Variants in TMX2 observed in about 807,000 individuals in gnomAD.
The protein encoded by TMX2 is thioredoxin related transmembrane protein 2.
TMX2 carries 20 observed loss-of-function variants against 33.4 expected under a neutral mutation model. The observed-to-expected ratio is 0.60, with a 90% CI of 0.42 to 0.87. The LOEUF (loss-of-function observed/expected upper bound fraction) is 0.87, where lower values mean the gene tolerates loss of function less well. TMX2 is among the 40% of genes least tolerant of loss of function. The pLI, the probability that TMX2 is intolerant of heterozygous loss-of-function variation, is 0.00. For missense variants in TMX2, 340 were observed against 370.7 expected (o/e 0.92, Z 0.68); for synonymous variants, 166 against 140.7 (o/e 1.18, Z -1.27).
At chr11:57,736,171 C>G (rs1590969947) in intron 1 of TMX2, among the ~76,000 whole-genome samples, 1 of 152,096 alleles carries the variant, frequency 6.6e-6, no homozygotes, top group South Asian at 2.1e-4. Flanking sequence ...GCTTAGAATT[C>G]TATTACTTCT....
intron 7 of TMX2, 79 bp downstream of exon 7, chr11:57,739,339 C>A: frequency 6.7e-7 from 1 of 1,493,654 alleles, no homozygotes; most frequent in Non-Finnish European, 9.3e-7. Flanking sequence ...GTTTGATTCA[C>A]AGCTCTGCCA....
chr11:57,737,814 C>G lies in TMX2; in HGVS notation c.251-99C>G, dbSNP rs556296826. 3.7e-6 allele frequency: 6 copies of G among 1,609,860 alleles called. No individual in the cohort carries two copies. The East Asian group carries it at 1.1e-4, about 30-fold the overall frequency. On this transcript the variant is annotated intron_variant, in intron 2 of 7. Transcript: ENST00000278422. ...GAATTTGAACTTGGACTTCTATCCC[C>G]TCCCTGTCTCCTATTTCAAAGTGCC...
At chr11:57,720,792 G>T (rs1028442697) in intron 1 of TMX2, among the ~76,000 whole-genome samples, 1 of 152,156 alleles carries the variant, frequency 6.6e-6, no homozygotes, top group South Asian at 2.1e-4. Flanking sequence ...TCGAACCCAC[G>T]CTGCAGCAGC....
At chr11:57,731,110 CGTTTTTT>C (rs1425126676) in intron 1 of TMX2, among the ~76,000 whole-genome samples, 141 of 137,768 alleles carry the variant, frequency 1.0e-3, no homozygotes, top group African/African-American at 2.9e-3. Flanking sequence ...CCACTCTTTC[CGTTTTTT>C]GTTTTTTGTT....
intron 1 of TMX2, among the ~76,000 whole-genome samples, chr11:57,713,928 A>G (rs1227255939): frequency 6.6e-6 from 1 of 152,190 alleles, no homozygotes; most frequent in Non-Finnish European, 1.5e-5. Flanking sequence ...TCTTGTACTG[A>G]AGTAAGTTAA....
intron 7 of TMX2, among the ~76,000 whole-genome samples, chr11:57,739,765 A>AG (rs1195868877): frequency 2.6e-5 from 4 of 152,088 alleles, no homozygotes; most frequent in Non-Finnish European, 4.4e-5. Context: ...AAAAAAAAAA[A>AG]AAGATTCTGT....
chr11:57,716,260 G>C (rs1360357984), intron 1 of TMX2, among the ~76,000 whole-genome samples: 1 of 148,104 alleles, frequency 6.8e-6, no homozygotes, highest in Admixed American at 6.6e-5. Flanking sequence ...CGGGCGGGGG[G>C]CTGACCCCCC....
At chr11:57,727,032 T>C (rs574941802) in intron 1 of TMX2, among the ~76,000 whole-genome samples, 1 of 152,334 alleles carries the variant, frequency 6.6e-6, no homozygotes, top group Admixed American at 6.5e-5. Flanking sequence ...AAATCTTCAC[T>C]GTCTTTATGA....
At chr11:57,727,019 C>G (rs1030887244) in intron 1 of TMX2, among the ~76,000 whole-genome samples, 1 of 152,096 alleles carries the variant, frequency 6.6e-6, no homozygotes, top group Non-Finnish European at 1.5e-5. Context: ...ACCCTGAGTG[C>G]CCAAATCTTC....
At chr11:57,732,873 G>T (rs961297815) in intron 1 of TMX2, among the ~76,000 whole-genome samples, 1 of 152,162 alleles carries the variant, frequency 6.6e-6, no homozygotes, top group African/African-American at 2.4e-5. Context: ...ATCATGCGGT[G>T]TCCTTAGGCC....
At chr11:57,728,733 CAT>C (rs538061479) in intron 1 of TMX2, among the ~76,000 whole-genome samples, 306 of 152,192 alleles carry the variant, frequency 2.0e-3, no homozygotes, top group African/African-American at 6.6e-3. Context: ...CTGTTGCTTT[CAT>C]AGAGACTGAG....
chr11:57,719,514 CTTTTTTTTTTT>C (rs1183104624), intron 1 of TMX2, among the ~76,000 whole-genome samples: 37 of 70,514 alleles, frequency 5.2e-4, no homozygotes, highest in African/African-American at 1.7e-3. Context: ...TTTTCTTTGT[CTTTTTTTTTTT>C]TTTTTTTTTT....
intron 1 of TMX2, chr11:57,718,368 T>TAAACCC (rs1947318392): frequency 6.7e-7 from 1 of 1,498,654 alleles, no homozygotes; most frequent in East Asian, 2.3e-5. Flanking sequence ...CCTGGAATAA[T>TAAACCC]TCTGTGAAAG....
In TMX2 at chr11:57,740,269, C is replaced by G; in HGVS notation, c.*24C>G. On this transcript the variant is annotated 3_prime_UTR_variant, in exon 8 of 8. Coordinates refer to ENST00000278422, the MANE Select transcript of TMX2 (RefSeq NM_015959.4). ...AAGATCCTCACTTTGGCAGTGCTTCCTCTCCTGTCAATTCCAGGCTCTTTC... is the reference window on the plus strand; with the variant it reads ...AAGATCCTCACTTTGGCAGTGCTTCGTCTCCTGTCAATTCCAGGCTCTTTC... 6.4e-7 allele frequency: 1 copy of G among 1,558,416 alleles called. No individual in the cohort carries two copies. The highest frequency in any genetic ancestry group is 8.7e-7 in the Non-Finnish European group (1 of 1,155,718).
intron 1 of TMX2, 74 bp downstream of exon 1, chr11:57,712,881 G>C: frequency 6.4e-7 from 1 of 1,550,920 alleles, no homozygotes; most frequent in Non-Finnish European, 8.8e-7. Context: ...GGAACCCTGG[G>C]GTTTACCTCT....
intron 1 of TMX2, among the ~76,000 whole-genome samples, chr11:57,717,746 G>GGGAGA (rs1947266999): frequency 1.2e-5 from 1 of 84,740 alleles, no homozygotes; most frequent in East Asian, 9.0e-4. Context: ...AGAGGGGAGA[G>GGGAGA]GGGAGAGGGA....
chr11:57,726,840 T>C (rs1218959211), intron 1 of TMX2, among the ~76,000 whole-genome samples: 1 of 152,236 alleles, frequency 6.6e-6, no homozygotes, highest in East Asian at 1.9e-4. Flanking sequence ...ATTTATTACA[T>C]TCTAATTTAA....
At chr11:57,740,077 C>T (rs368230749) in intron 7 of TMX2, 22 bp from the exon 8 acceptor site, 13 of 1,613,626 alleles carry the variant, frequency 8.1e-6, no homozygotes, top group African/African-American at 6.7e-5. Flanking sequence ...CAGATCCTGA[C>T]GTGTGCATCT....
chr11:57,715,012 G>A lies in TMX2; in HGVS notation c.189+2205G>A, dbSNP rs1049183174. 5.9e-5 allele frequency among the ~76,000 whole-genome samples: 9 copies of A among 152,244 alleles called. No individual in the cohort carries two copies. In the South Asian group the frequency reaches 6.2e-4, roughly 11 times the overall value. On this transcript the variant is annotated intron_variant, in intron 1 of 7. Coordinates refer to ENST00000278422, the MANE Select transcript of TMX2 (RefSeq NM_015959.4). ...CCAGTTTTATTTTCATTAGACTTTGGAAATTTTTACCCAGTCCGGTGATAC... is the reference window on the plus strand; with the variant it reads ...CCAGTTTTATTTTCATTAGACTTTGAAAATTTTTACCCAGTCCGGTGATAC...
Sources: gnomAD v4.1 joint callset for allele counts (sites outside exome capture counted in the v4.1 genomes callset) on GRCh38, gnomAD v4.1.1 for gene constraint, MANE v1.5 for transcripts, NCBI Gene and HGNC (gene_info 2026-07-23, HGNC 2026-07-21) for gene names.